Variants in LIN28B observed in about 807,000 individuals in gnomAD.
The protein encoded by LIN28B is protein lin-28 homolog B.
Under a neutral mutation model 21.9 loss-of-function variants are expected in LIN28B, and 5 were observed. The ratio of observed to expected loss-of-function variants is 0.23; its 90% CI spans 0.12 to 0.48. The LOEUF (loss-of-function observed/expected upper bound fraction) is 0.48. Among genes scored for constraint, LIN28B ranks in the 20% least tolerant of loss-of-function variants. The pLI, the probability that LIN28B is intolerant of heterozygous loss-of-function variation, is 0.98. For missense variants in LIN28B, 245 were observed against 310.5 expected (o/e 0.79, Z 1.58); for synonymous variants, 109 against 111.3 (o/e 0.98, Z 0.13).
intron 2 of LIN28B, among the ~76,000 whole-genome samples, chr6:105,019,705 TC>T (rs1771096907): frequency 6.6e-6 from 1 of 152,236 alleles, no homozygotes; most frequent in African/African-American, 2.4e-5. Flanking sequence ...TGGGTGTGAC[TC>T]CTTCAACTCA....
chr6:104,951,453 G>T (rs1165659726), intron 3 of LIN28B, among the ~76,000 whole-genome samples: 1 of 152,008 alleles, frequency 6.6e-6, no homozygotes, highest in Non-Finnish European at 1.5e-5. Flanking sequence ...TCATGAAAAA[G>T]AAGATTCTCA....
intron 2 of LIN28B, among the ~76,000 whole-genome samples, chr6:104,947,766 C>T (rs1196729923): frequency 2.8e-5 from 4 of 145,412 alleles, no homozygotes; most frequent in Non-Finnish European, 3.0e-5. Context: ...AAACATTTTG[C>T]GTACTTTTTT....
chr6:104,941,401 G>A (rs1237591237), intron 2 of LIN28B: 1 of 148,978 alleles, frequency 6.7e-6, no homozygotes, highest in Non-Finnish European at 1.5e-5. Flanking sequence ...GCCCAGGCTC[G>A]CCGCTGCGGT....
intron 3 of LIN28B, among the ~76,000 whole-genome samples, chr6:105,075,442 T>A (rs1054857078): frequency 3.3e-5 from 5 of 152,168 alleles, no homozygotes; most frequent in African/African-American, 1.2e-4. Flanking sequence ...TCTGTACTCT[T>A]AGTAAGAGTG....
chr6:105,078,724 A>G lies in LIN28B; in HGVS notation c.694A>G (p.Ile232Val). 1 of 1,614,194 alleles carries G rather than the reference A, an allele frequency of 6.2e-7. No individual in the cohort carries two copies. Among genetic ancestry groups the G allele is most frequent in the Non-Finnish European group, 8.5e-7 (1 of 1,180,032 alleles). ...PQEASSTKSS[I>V]APEEQSKKGP... ...AGAAGCTTCCTCCACGAAGTCATCT[A>G]TAGCACCAGAAGAGCAAAGCAAAAA... Residue 232 changes from isoleucine (I) to valine (V), a missense_variant, in exon 4 of 4, where the codon ATA becomes GTA. Transcript: ENST00000345080.
intron 2 of LIN28B, among the ~76,000 whole-genome samples, chr6:104,986,059 C>T (rs935286322): frequency 7.9e-5 from 12 of 151,904 alleles, no homozygotes; most frequent in Admixed American, 3.3e-4. Context: ...ATATGGGGGC[C>T]GATTTTCTAC....
intron 2 of LIN28B, among the ~76,000 whole-genome samples, chr6:105,013,829 A>AT (rs1770971720): frequency 6.6e-6 from 1 of 152,066 alleles, no homozygotes; most frequent in African/African-American, 2.4e-5. Flanking sequence ...GATGATCTAC[A>AT]TTGTCAATTT....
chr6:105,076,676 C>T (rs889703631), intron 3 of LIN28B, among the ~76,000 whole-genome samples: 6 of 151,884 alleles, frequency 4.0e-5, no homozygotes, highest in African/African-American at 7.2e-5. Context: ...GGCGCAATCT[C>T]GGCTTACTGC....
At chr6:105,044,420 A>G (rs1771701093) in intron 3 of LIN28B, among the ~76,000 whole-genome samples, 1 of 152,184 alleles carries the variant, frequency 6.6e-6, no homozygotes, top group Non-Finnish European at 1.5e-5. Context: ...ATTTATTTTT[A>G]AAGATGAACT....
chr6:105,026,356 C>T lies in LIN28B; in HGVS notation c.257C>T (p.Thr86Ile), dbSNP rs186680543. Residue 86 changes from threonine to isoleucine, a missense_variant, in exon 3 of 4, where the codon ACA (threonine) becomes ATA (isoleucine). Physicochemically the swap from Thr to Ile is moderately conservative, Grantham distance 89 (BLOSUM62 -1). Coordinates refer to ENST00000345080, the MANE Select transcript of LIN28B (RefSeq NM_001004317.4). Reference protein sequence around the residue: ...SLKEGEPVEFTFKKSSKGLES... With the variant: ...SLKEGEPVEFIFKKSSKGLES... Reference sequence around the variant, plus strand: ...AAAGAAGGAGAACCAGTGGAATTCACATTTAAAAAATCTTCCAAAGGCCTT... The same window carrying T: ...AAAGAAGGAGAACCAGTGGAATTCATATTTAAAAAATCTTCCAAAGGCCTT... The T allele has an allele frequency of 1.6e-5, 26 of 1,611,980 alleles. 1 individual carries two copies. The highest frequency in any genetic ancestry group is 1.7e-4 in the Middle Eastern group (1 of 6,054).
chr6:104,938,641 G>A (rs77526462), intron 2 of LIN28B, among the ~76,000 whole-genome samples: 9 of 143,882 alleles, frequency 6.3e-5, no homozygotes, highest in Non-Finnish European at 7.6e-5. Context: ...CCTGTCTCAA[G>A]AAAAAAAAAA....
intron 3 of LIN28B, among the ~76,000 whole-genome samples, chr6:105,037,671 C>T (rs1771548450): frequency 6.6e-6 from 1 of 151,322 alleles, no homozygotes; most frequent in African/African-American, 2.4e-5. Flanking sequence ...CACCACCACA[C>T]CCTAATTTTT....
At chr6:105,069,095 A>G (rs1256003421) in intron 3 of LIN28B, among the ~76,000 whole-genome samples, 2 of 152,014 alleles carry the variant, frequency 1.3e-5, no homozygotes, top group African/African-American at 4.8e-5. Context: ...GTGCACACCT[A>G]TAATCCCAGC....
chr6:105,061,889 G>C (rs750865912), intron 3 of LIN28B, among the ~76,000 whole-genome samples: 6 of 151,826 alleles, frequency 4.0e-5, no homozygotes, highest in Non-Finnish European at 7.4e-5. Flanking sequence ...ACTGTAAGAT[G>C]AAAGTTTTAA....
At chr6:104,970,255 C>T (rs1340138439) in intron 2 of LIN28B, among the ~76,000 whole-genome samples, 1 of 152,180 alleles carries the variant, frequency 6.6e-6, no homozygotes, top group Non-Finnish European at 1.5e-5. Flanking sequence ...AAATGGGCCC[C>T]TATTAAGATT....
intron 2 of LIN28B, among the ~76,000 whole-genome samples, chr6:104,983,775 C>T (rs542963827): frequency 1.4e-4 from 22 of 152,016 alleles, no homozygotes; most frequent in Non-Finnish European, 2.8e-4. Flanking sequence ...GGGGTTTCAC[C>T]ATGTTGGCCA....
intron 2 of LIN28B, among the ~76,000 whole-genome samples, chr6:105,013,173 G>C (rs1331909208): frequency 6.6e-6 from 1 of 151,822 alleles, no homozygotes; most frequent in African/African-American, 2.4e-5. Context: ...CACCAAGCCC[G>C]GCTAATTTTG....
chr6:104,975,838 CTTCTT>C, intron 2 of LIN28B, among the ~76,000 whole-genome samples: 1 of 146,868 alleles, frequency 6.8e-6, no homozygotes, highest in African/African-American at 2.5e-5. Context: ...TCTTCTTCTT[CTTCTT>C]TTTTTTTTTT....
At chr6:105,023,152 CAG>C (rs1010147753) in intron 2 of LIN28B, among the ~76,000 whole-genome samples, 3 of 131,540 alleles carry the variant, frequency 2.3e-5, no homozygotes, top group African/African-American at 8.6e-5. Flanking sequence ...ATAGCAAAGA[CAG>C]AGTATTCTGT....
Sources: allele counts gnomAD v4.1 joint callset (sites outside exome capture counted in the v4.1 genomes callset), GRCh38; gene constraint gnomAD v4.1.1; transcripts MANE v1.5; gene names NCBI Gene and HGNC (gene_info 2026-07-23, HGNC 2026-07-21).